The following MAP3K2 variants were observed in gnomAD, a reference collection of about 807,000 sequenced individuals.
MAP3K2 encodes mitogen-activated protein kinase kinase kinase 2, also known as MAP/ERK kinase kinase 2.
A neutral mutation model predicts 80.3 loss-of-function variants in MAP3K2; 24 were observed. The observed-to-expected ratio is 0.30, with a 90% confidence interval of 0.22 to 0.42. MAP3K2 has a LOEUF of 0.42. Among genes scored for constraint, MAP3K2 ranks in the 10% least tolerant of loss-of-function variants. The pLI is 1.00. For synonymous variants in MAP3K2, 244 were observed against 253.7 expected (o/e 0.96, Z 0.36); for missense variants, 608 against 750.1 (o/e 0.81, Z 2.21).
At chr2:127,365,822 T>C (rs538284264) in intron 1 of MAP3K2, among the ~76,000 whole-genome samples, 2 of 152,324 alleles carry the variant, frequency 1.3e-5, no homozygotes, top group Non-Finnish European at 2.9e-5. Flanking sequence ...CCCTACAGAC[T>C]CTGACTTCTG....
intron 12 of MAP3K2, among the ~76,000 whole-genome samples, chr2:127,319,664 A>G (rs1685976404): frequency 6.7e-6 from 1 of 149,352 alleles, no homozygotes; most frequent in Non-Finnish European, 1.5e-5. Context: ...AAAAAAAAAA[A>G]AAAAAAAAAA....
At chr2:127,323,124 G>A (rs779531119) in intron 11 of MAP3K2, among the ~76,000 whole-genome samples, 2 of 150,074 alleles carry the variant, frequency 1.3e-5, no homozygotes, top group African/African-American at 2.4e-5. Flanking sequence ...AAATTAGGCC[G>A]GGCACGGTGG....
rs565850462 is a variant in MAP3K2 at position 127,387,887 on chromosome 2, G to A, written c.-501C>T. 4 of 981,766 alleles carry A rather than the reference G, an allele frequency of 4.1e-6. No homozygotes were observed. The highest frequency in any genetic ancestry group is 4.8e-6 in the Non-Finnish European group (4 of 827,092). The allele number at this position is 981,766 out of a possible 1,614,324, so 60.8% of individuals were successfully genotyped here. A position where few individuals can be genotyped will look rare whatever the true frequency, so the allele number is the denominator to read the frequency against. On this transcript the variant is annotated 5_prime_UTR_variant, in exon 1 of 17. Transcript: ENST00000682094. ...CGCCGCCGCGGGCCGTGCAACCCCC[G>A]AACGCTGCGCCCAGCGGCCGCGGCA...
At chr2:127,359,054 C>T (rs1221327968) in intron 1 of MAP3K2, among the ~76,000 whole-genome samples, 1 of 152,064 alleles carries the variant, frequency 6.6e-6, no homozygotes, top group Non-Finnish European at 1.5e-5. Flanking sequence ...CAGGGATGAA[C>T]AGGTGGACCA....
intron 1 of MAP3K2, among the ~76,000 whole-genome samples, chr2:127,383,917 A>G (rs1687297607): frequency 7.1e-6 from 1 of 141,582 alleles, no homozygotes; most frequent in Admixed American, 7.7e-5. Flanking sequence ...TCTGTCACCC[A>G]GACTGGAGTG....
At chr2:127,361,656 G>A (rs1288606896) in intron 1 of MAP3K2, among the ~76,000 whole-genome samples, 6 of 152,008 alleles carry the variant, frequency 3.9e-5, no homozygotes, top group Non-Finnish European at 5.9e-5. Context: ...TTCTCTTATC[G>A]AGTTTTAAAA....
chr2:127,378,035 A>G (rs1404232258), intron 1 of MAP3K2: 1 of 238,322 alleles, frequency 4.2e-6, no homozygotes, highest in Non-Finnish European at 6.8e-6. Flanking sequence ...TATTTTTAAT[A>G]GATACTAGAG....
intron 1 of MAP3K2, among the ~76,000 whole-genome samples, chr2:127,355,989 A>G (rs529347186): frequency 6.6e-6 from 1 of 152,300 alleles, no homozygotes; most frequent in East Asian, 1.9e-4. Flanking sequence ...TTGCTTGTCC[A>G]TAAGAAGCAA....
intron 14 of MAP3K2, among the ~76,000 whole-genome samples, chr2:127,316,248 C>A (rs1395117745): frequency 6.6e-6 from 1 of 151,602 alleles, no homozygotes; most frequent in South Asian, 2.1e-4. Flanking sequence ...GTGGCATGCA[C>A]CTGTAATCCC....
chr2:127,353,639 C>A lies in MAP3K2; in HGVS notation c.-65-10445G>T, dbSNP rs556515215. 2.0e-5 allele frequency among the ~76,000 whole-genome samples: 3 copies of A among 151,746 alleles called. No homozygotes were observed. The East Asian group carries it at 5.9e-4, about 30-fold the overall frequency. On this transcript the variant is annotated intron_variant, in intron 1 of 16. Transcript: ENST00000682094. ...AGGTGGGGGGGGTCAAACCCCGGCC[C>A]GGCCAGCCACCCCGTCCGGGAGGTG... is the stretch of plus-strand genomic sequence containing the variant.
At chr2:127,372,971 G>A (rs1687091939) in intron 1 of MAP3K2, among the ~76,000 whole-genome samples, 2 of 152,140 alleles carry the variant, frequency 1.3e-5, no homozygotes, top group Admixed American at 1.3e-4. Context: ...CTCCCCCACG[G>A]CCATTCGACA....
rs569115416 is a variant in MAP3K2 at position 127,320,615 on chromosome 2, A to T, written c.1045+1431T>A. ...TCACAGACAAACTATAAATATAATA[A>T]ACTGAAAGAACACCAGCTGGGAACC... On this transcript the variant is annotated intron_variant, in intron 12 of 16. Coordinates refer to ENST00000682094, the MANE Select transcript of MAP3K2 (RefSeq NM_001371910.2). Among the ~76,000 whole-genome samples, 15 of 152,312 alleles carry T rather than the reference A, an allele frequency of 9.8e-5. No individual in the cohort carries two copies. In the South Asian group the frequency reaches 2.7e-3, roughly 27 times the overall value.
In MAP3K2 at chr2:127,364,334, C is replaced by T. The variant is rs984311705; in HGVS notation, c.-65-21140G>A. 6.6e-6 allele frequency among the ~76,000 whole-genome samples: 1 copy of T among 152,184 alleles called. No individual in the cohort carries two copies. Among genetic ancestry groups the T allele is most frequent in the Non-Finnish European group, 1.5e-5 (1 of 68,036 alleles). On this transcript the variant is annotated intron_variant, in intron 1 of 16. Coordinates refer to ENST00000682094, the MANE Select transcript of MAP3K2 (RefSeq NM_001371910.2). The surrounding 1 kb of genome is among the most constrained non-coding windows in gnomAD (Gnocchi z 4.1). Reference sequence around the variant, plus strand: ...AGTCAATAGGTTCTGAGTTATACTACGAAGTGTTCCATATGCCTTATTGAT... The same window carrying T: ...AGTCAATAGGTTCTGAGTTATACTATGAAGTGTTCCATATGCCTTATTGAT...
chr2:127,336,035 T>C (rs1686364350), intron 4 of MAP3K2, 66 bp from the exon 5 acceptor site: 2 of 916,316 alleles, frequency 2.2e-6, no homozygotes, highest in South Asian at 1.4e-5. Flanking sequence ...TTGCAAAAGT[T>C]ACCTCCTTTT....
At position 127,371,901 on chromosome 2, in the gene MAP3K2, C is replaced by T. The variant is rs117176889; in HGVS notation, c.-66+15551G>A. 1.5e-3 allele frequency among the ~76,000 whole-genome samples: 231 copies of T among 152,230 alleles called. 3 individuals are homozygous for T. In the East Asian group the frequency reaches 0.037, roughly 25 times the overall value. ...AACGACAACTCCGTAAGTAACCAGG[C>T]GGGAAACTTCATGAGGGGCTGACCC... On this transcript the variant is annotated intron_variant, in intron 1 of 16. Coordinates refer to ENST00000682094, the MANE Select transcript of MAP3K2 (RefSeq NM_001371910.2).
In MAP3K2 at chr2:127,312,069, G is replaced by A. The variant is rs935736343; in HGVS notation, c.1456+2685C>T. On this transcript the variant is annotated intron_variant, in intron 15 of 16. Transcript: ENST00000682094. ...GATCAGATTCAGGTTCAATTTCTGG[G>A]GGACTGAGGAACAAAACTAGATAGA... is the stretch of plus-strand genomic sequence containing the variant. 6.6e-5 allele frequency among the ~76,000 whole-genome samples: 10 copies of A among 152,202 alleles called. No individual in the cohort carries two copies. The East Asian group carries it at 9.6e-4, about 15-fold the overall frequency.
At chr2:127,337,340 G>A (rs997656244) in intron 4 of MAP3K2, among the ~76,000 whole-genome samples, 1 of 152,050 alleles carries the variant, frequency 6.6e-6, no homozygotes, top group Non-Finnish European at 1.5e-5. Context: ...TCATAAAACT[G>A]AGGTCTCTTG....
In MAP3K2 at chr2:127,368,095, G is replaced by A. The variant is rs188051264; in HGVS notation, c.-66+19357C>T. Among the ~76,000 whole-genome samples the A allele has an allele frequency of 7.5e-3, 1,148 of 152,238 alleles. 18 individuals are homozygous for A. The highest frequency in any genetic ancestry group is 5.8e-3 in the Non-Finnish European group (393 of 68,014). ...CCAGCACTCTGGGAGGCCGAGGCGG[G>A]TGGATCACTTGAGGTCAGCAGTTTG... On this transcript the variant is annotated intron_variant, in intron 1 of 16. Transcript: ENST00000682094.
rs1253069178 is a variant in MAP3K2 at position 127,303,461 on chromosome 2, G to GA, written c.*4117dup. 3.3e-5 allele frequency: 5 copies of GA among 152,072 alleles called. No individual in the cohort carries two copies. Among genetic ancestry groups the GA allele is most frequent in the Non-Finnish European group, 5.9e-5 (4 of 67,986 alleles). The allele number at this position is 152,072 out of a possible 1,614,324, so 9.4% of individuals were successfully genotyped here. On this transcript the variant is annotated 3_prime_UTR_variant, in exon 17 of 17. Coordinates refer to ENST00000682094, the MANE Select transcript of MAP3K2 (RefSeq NM_001371910.2). Reference sequence around the variant, plus strand: ...TGCTATGTGACCTGGTTGGGGAGGGGATCCCTCTAGTTTGGAGATACTTTT... The same window carrying GA: ...TGCTATGTGACCTGGTTGGGGAGGGGAATCCCTCTAGTTTGGAGATACTTTT...
Sources: allele counts gnomAD v4.1 joint callset (sites outside exome capture counted in the v4.1 genomes callset), GRCh38; gene constraint gnomAD v4.1.1; non-coding constraint Gnocchi (gnomAD v3.1); transcripts MANE v1.5; gene names NCBI Gene and HGNC (gene_info 2026-07-23, HGNC 2026-07-21).